SGPP2: variants seen among roughly 807,000 people sequenced by gnomAD.
SGPP2 encodes the protein sphingosine-1-phosphate phosphatase 2.
A neutral mutation model predicts 33.9 loss-of-function variants in SGPP2; 30 were observed. That is an observed-to-expected ratio of 0.89 (90% CI 0.66 to 1.20). The LOEUF (loss-of-function observed/expected upper bound fraction) is 1.20. SGPP2 is among the 50% of genes most tolerant of loss of function. The probability of loss-of-function intolerance (pLI) is 0.00; values close to 1 mark genes in which losing one functional copy is unlikely to be tolerated. For synonymous variants in SGPP2, 233 were observed against 225.0 expected (o/e 1.04, Z -0.32); for missense variants, 458 against 532.1 (o/e 0.86, Z 1.37).
rs1697903247 is a variant in SGPP2 at position 222,474,720 on chromosome 2, A to G, written c.372A>G (p.Ile124Met). 6.2e-7 allele frequency: 1 copy of G among 1,612,734 alleles called. No homozygotes were observed. The highest frequency in any genetic ancestry group is 1.7e-5 in the Admixed American group (1 of 59,988). ...ATTTATCCAGAAGATTGATCATCAT[A>G]TGGGTTGTAAGTATTATTACTACTC... ...DPYLSRRLII[I>M]WVLVMYIGQV... Residue 124 changes from isoleucine (I) to methionine (M), a missense_variant, in exon 2 of 5, where the codon ATA (isoleucine) becomes ATG (methionine). By Grantham distance (10) the Ile-to-Met change is conservative. Coordinates refer to ENST00000321276, the MANE Select transcript of SGPP2 (RefSeq NM_152386.4).
At chr2:222,529,396 G>A (rs1051711930) in intron 4 of SGPP2, among the ~76,000 whole-genome samples, 4 of 151,970 alleles carry the variant, frequency 2.6e-5, no homozygotes, top group Middle Eastern at 3.2e-3. Flanking sequence ...GTGCAATGGC[G>A]TGATGTCTAC....
chr2:222,492,066 T>C (rs1698205256), intron 2 of SGPP2, among the ~76,000 whole-genome samples: 1 of 152,162 alleles, frequency 6.6e-6, no homozygotes, highest in African/African-American at 2.4e-5. Context: ...CCCACAGCCT[T>C]GGGCAGCTCC....
intron 1 of SGPP2, among the ~76,000 whole-genome samples, chr2:222,451,318 A>T (rs1697484453): frequency 6.6e-6 from 1 of 152,232 alleles, no homozygotes; most frequent in Admixed American, 6.5e-5. Flanking sequence ...GACCTAAAAA[A>T]GGGCAGGTGG....
chr2:222,528,404 G>T (rs1481356246), intron 4 of SGPP2, among the ~76,000 whole-genome samples: 1 of 151,840 alleles, frequency 6.6e-6, no homozygotes, highest in African/African-American at 2.4e-5. Context: ...CTATTCTGTT[G>T]TCTAGTAAGT....
chr2:222,480,897 G>GCAT (rs1698019375), intron 2 of SGPP2, among the ~76,000 whole-genome samples: 2 of 152,170 alleles, frequency 1.3e-5, no homozygotes, highest in Non-Finnish European at 2.9e-5. Flanking sequence ...ATAAAGAAAA[G>GCAT]GTGGTACATA....
intron 2 of SGPP2, among the ~76,000 whole-genome samples, chr2:222,491,464 C>A (rs1698196227): frequency 6.6e-6 from 1 of 152,158 alleles, no homozygotes; most frequent in Non-Finnish European, 1.5e-5. Flanking sequence ...GCAGGCACAT[C>A]TTACATGGCA....
chr2:222,425,361 C>T (rs1697049250), intron 1 of SGPP2, among the ~76,000 whole-genome samples: 1 of 152,208 alleles, frequency 6.6e-6, no homozygotes, highest in Admixed American at 6.5e-5. Flanking sequence ...CCCTGCACTA[C>T]CCCCGGCGAT....
intron 1 of SGPP2, among the ~76,000 whole-genome samples, chr2:222,462,627 A>G (rs2106085611): frequency 6.6e-6 from 1 of 152,340 alleles, no homozygotes; most frequent in Middle Eastern, 3.4e-3. Flanking sequence ...TTTCGATCTT[A>G]ATCGCAATCA....
rs898458187 is a variant in SGPP2 at position 222,541,846 on chromosome 2, C to T, written c.649-16501C>T. Among the ~76,000 whole-genome samples, 6 of 152,216 alleles carry T rather than the reference C, an allele frequency of 3.9e-5. No individual in the cohort carries two copies. The East Asian group carries it at 9.6e-4, about 24-fold the overall frequency. On this transcript the variant is annotated intron_variant, in intron 4 of 4. Transcript: ENST00000321276. Reference sequence around the variant, plus strand: ...TGAACTCCTGACCTCAAGTGATCCACCCACCCCGGCCTCCCAAAGTGCTGG... The same window carrying T: ...TGAACTCCTGACCTCAAGTGATCCATCCACCCCGGCCTCCCAAAGTGCTGG...
At chr2:222,558,291 C>A in intron 4 of SGPP2, 56 bp from the exon 5 acceptor site, 1 of 1,547,860 alleles carries the variant, frequency 6.5e-7, no homozygotes, top group Non-Finnish European at 8.8e-7. Flanking sequence ...CAAATTATAC[C>A]TGTATACAAG....
At chr2:222,516,408 T>A (rs1698603735) in intron 2 of SGPP2, among the ~76,000 whole-genome samples, 2 of 152,328 alleles carry the variant, frequency 1.3e-5, no homozygotes. Context: ...TATACCACAA[T>A]TTGTGTACTT....
At chr2:222,515,200 A>C (rs1698585786) in intron 2 of SGPP2, among the ~76,000 whole-genome samples, 1 of 152,148 alleles carries the variant, frequency 6.6e-6, no homozygotes, top group South Asian at 2.1e-4. Context: ...TCAGACATGC[A>C]GATCAGGTCA....
At chr2:222,514,186 T>A (rs1280640486) in intron 2 of SGPP2, among the ~76,000 whole-genome samples, 2 of 152,218 alleles carry the variant, frequency 1.3e-5, no homozygotes, top group Admixed American at 1.3e-4. Context: ...TTTCATAGGA[T>A]AGTAGGAGCC....
chr2:222,471,203 C>T (rs1449442894), intron 1 of SGPP2, among the ~76,000 whole-genome samples: 1 of 152,160 alleles, frequency 6.6e-6, no homozygotes, highest in African/African-American at 2.4e-5. Context: ...CTGTGCACTG[C>T]TCGGCTTGAG....
At chr2:222,484,587 T>A (rs1427522418) in intron 2 of SGPP2, among the ~76,000 whole-genome samples, 1 of 152,212 alleles carries the variant, frequency 6.6e-6, no homozygotes, top group Non-Finnish European at 1.5e-5. Flanking sequence ...TTTGGACTTA[T>A]GCCAGCTGTA....
In SGPP2 at chr2:222,457,919, C is replaced by T. The variant is rs62186120; in HGVS notation, c.220-16649C>T. Among the ~76,000 whole-genome samples, 734 of 152,308 alleles carry T rather than the reference C, an allele frequency of 4.8e-3. 5 individuals are homozygous for T. The highest frequency in any genetic ancestry group is 7.3e-3 in the Non-Finnish European group (499 of 68,032). On this transcript the variant is annotated intron_variant, in intron 1 of 4. Transcript: ENST00000321276. ...ATCTAGAGAATTGAGCATCTTCTCTCGCTTCATAGGGAAGGACATGGCTGG... is the reference window on the plus strand; with the variant it reads ...ATCTAGAGAATTGAGCATCTTCTCTTGCTTCATAGGGAAGGACATGGCTGG...
At chr2:222,471,734 G>A (rs1420431183) in intron 1 of SGPP2, among the ~76,000 whole-genome samples, 1 of 152,146 alleles carries the variant, frequency 6.6e-6, no homozygotes, top group Non-Finnish European at 1.5e-5. Context: ...AGATCTCTAA[G>A]AGTCTTGAGA....
At chr2:222,495,343 G>A (rs1289124847) in intron 2 of SGPP2, among the ~76,000 whole-genome samples, 1 of 152,184 alleles carries the variant, frequency 6.6e-6, no homozygotes, top group Non-Finnish European at 1.5e-5. Flanking sequence ...GAGCTCAGGA[G>A]GTTGAGGCTG....
At chr2:222,435,027 T>TATATATACAC (rs1221640159) in intron 1 of SGPP2, among the ~76,000 whole-genome samples, 208 of 19,542 alleles carry the variant, frequency 0.011, no homozygotes, top group Middle Eastern at 0.1. Context: ...TGTATATGTG[T>TATATATACAC]GTATATATAT....
Sources: gnomAD v4.1 joint callset for allele counts (sites outside exome capture counted in the v4.1 genomes callset) on GRCh38, gnomAD v4.1.1 for gene constraint, MANE v1.5 for transcripts, NCBI Gene and HGNC (gene_info 2026-07-23, HGNC 2026-07-21) for gene names.